The following CDH4 variants were observed in gnomAD, a reference collection of about 807,000 sequenced individuals.
CDH4 encodes the protein cadherin-4.
CDH4 carries 33 observed loss-of-function variants against 86.0 expected under a neutral mutation model. The ratio of observed to expected loss-of-function variants is 0.38; its 90% CI spans 0.29 to 0.51. The LOEUF (loss-of-function observed/expected upper bound fraction) is 0.51. CDH4 is among the 20% of genes least tolerant of loss of function. The pLI is 0.86. For synonymous variants in CDH4, 555 were observed against 549.4 expected (o/e 1.01, Z -0.14); for missense variants, 1,114 against 1,307.4 (o/e 0.85, Z 2.28).
intron 3 of CDH4, among the ~76,000 whole-genome samples, chr20:61,756,568 T>G (rs2088567779): frequency 2.2e-5 from 2 of 90,362 alleles, no homozygotes; most frequent in Non-Finnish European, 2.2e-5. Flanking sequence ...CATCCCCGGG[T>G]CCCTCCCCCA....
At chr20:61,774,208 C>G (rs1259232940) in intron 4 of CDH4, among the ~76,000 whole-genome samples, 1 of 152,252 alleles carries the variant, frequency 6.6e-6, no homozygotes, top group African/African-American at 2.4e-5. Context: ...GTCAGGGGCT[C>G]AGCTTTCCTT....
intron 2 of CDH4, among the ~76,000 whole-genome samples, chr20:61,689,989 G>A (rs762212728): frequency 3.6e-5 from 5 of 138,372 alleles, no homozygotes; most frequent in South Asian, 2.5e-4. Flanking sequence ...AGGCTGGGAC[G>A]GTGGCTGGTG....
intron 2 of CDH4, among the ~76,000 whole-genome samples, chr20:61,444,755 GTAT>G (rs771941991): frequency 2.0e-5 from 3 of 151,752 alleles, no homozygotes; most frequent in African/African-American, 4.8e-5. Flanking sequence ...GTGTGTCTGT[GTAT>G]ATTTGTGTGT....
intron 7 of CDH4, among the ~76,000 whole-genome samples, chr20:61,886,661 C>T (rs1984552789): frequency 1.3e-5 from 2 of 152,184 alleles, no homozygotes; most frequent in South Asian, 4.1e-4. Flanking sequence ...TGGTCCAGAG[C>T]TGAGTCCTGG....
intron 6 of CDH4, 53 bp downstream of exon 6, chr20:61,852,951 G>T: frequency 1.9e-6 from 3 of 1,578,794 alleles, no homozygotes; most frequent in South Asian, 2.3e-5. Flanking sequence ...TGCGGGTGCA[G>T]CACAGGCCCT....
chr20:61,698,493 C>T (rs975377533), intron 2 of CDH4, among the ~76,000 whole-genome samples: 2 of 152,274 alleles, frequency 1.3e-5, no homozygotes, highest in East Asian at 1.9e-4. Context: ...GGGCTGGTGA[C>T]TGCAGGTGCC....
intron 2 of CDH4, among the ~76,000 whole-genome samples, chr20:61,728,543 C>A (rs986356180): frequency 6.6e-6 from 1 of 152,136 alleles, no homozygotes; most frequent in African/African-American, 2.4e-5. Flanking sequence ...CACTGGCCCA[C>A]CATGCCCCAG....
chr20:61,370,926 C>G (rs1029503105), intron 2 of CDH4: 1 of 152,252 alleles, frequency 6.6e-6, no homozygotes, highest in Non-Finnish European at 1.5e-5. Context: ...CTTTCTCCCT[C>G]CCTTTCCCCC....
At chr20:61,802,592 G>A (rs1466090072) in intron 4 of CDH4, among the ~76,000 whole-genome samples, 1 of 152,170 alleles carries the variant, frequency 6.6e-6, no homozygotes, top group Non-Finnish European at 1.5e-5. Flanking sequence ...ATTTCCAAAC[G>A]GGAGTCCACG....
Position 61,628,820 on chromosome 20 carries a change from A to G in CDH4, c.170-114743A>G, listed in dbSNP as rs1046831431. 9.2e-5 allele frequency among the ~76,000 whole-genome samples: 14 copies of G among 152,296 alleles called. No individual in the cohort carries two copies. The East Asian group carries it at 2.7e-3, about 30-fold the overall frequency. ...GTCGTCTCTGGACACCAGCCACATC[A>G]TGGGCACAGACAAGTGTGTGGGGAC... On this transcript the variant is annotated intron_variant, in intron 2 of 15. Transcript: ENST00000614565.
chr20:61,621,358 C>T (rs557477574), intron 2 of CDH4, among the ~76,000 whole-genome samples: 4 of 152,322 alleles, frequency 2.6e-5, no homozygotes, highest in South Asian at 2.1e-4. Context: ...GAACATGCCT[C>T]GGATGAAAGT....
chr20:61,579,659 C>T (rs76938769), intron 2 of CDH4, among the ~76,000 whole-genome samples: 4,935 of 152,184 alleles, frequency 0.032, 265 homozygotes, highest in African/African-American at 0.1. Flanking sequence ...ACAGAGGCCA[C>T]ATCTGGCTTA....
chr20:61,433,213 C>T (rs1035294802), intron 2 of CDH4, among the ~76,000 whole-genome samples: 16 of 152,140 alleles, frequency 1.1e-4, no homozygotes, highest in African/African-American at 3.9e-4. Flanking sequence ...AAATTTTTTC[C>T]GTATGGTTAT....
intron 2 of CDH4, among the ~76,000 whole-genome samples, chr20:61,293,099 C>T (rs2084332660): frequency 6.6e-6 from 1 of 152,210 alleles, no homozygotes; most frequent in Admixed American, 6.5e-5. Context: ...CTGCAGCTCC[C>T]ATCAGGATGG....
rs768884078 is a variant in CDH4, at chr20:61,530,409, GC to G, written c.170-213152del. Reference sequence around the variant, plus strand: ...GAATCCTACCCTGACACAGTCTGGGGCCTTTTGGTCTTGACTGAAGCTGTAC... The same window carrying G: ...GAATCCTACCCTGACACAGTCTGGGGCTTTTGGTCTTGACTGAAGCTGTAC... On this transcript the variant is annotated intron_variant, in intron 2 of 15. Transcript: ENST00000614565. Among the ~76,000 whole-genome samples, 5 of 152,264 alleles carry G rather than the reference GC, an allele frequency of 3.3e-5. No homozygotes were observed. The South Asian group carries it at 6.2e-4, about 19-fold the overall frequency.
chr20:61,815,584 G>A (rs1980676107), intron 4 of CDH4, among the ~76,000 whole-genome samples: 1 of 152,222 alleles, frequency 6.6e-6, no homozygotes, highest in South Asian at 2.1e-4. Context: ...GCAGGAGCCT[G>A]AAGACCCCCT....
At chr20:61,290,858 C>T (rs2084316830) in intron 2 of CDH4, among the ~76,000 whole-genome samples, 1 of 152,170 alleles carries the variant, frequency 6.6e-6, no homozygotes, top group African/African-American at 2.4e-5. Context: ...GGGCCATATT[C>T]CTGAAAAATC....
At chr20:61,342,194 C>G (rs1380879255) in intron 2 of CDH4, among the ~76,000 whole-genome samples, 1 of 152,192 alleles carries the variant, frequency 6.6e-6, no homozygotes, top group Non-Finnish European at 1.5e-5. Flanking sequence ...GGACCCGTTT[C>G]ATGGAAGACA....
chr20:61,320,250 C>T (rs1039043238), intron 2 of CDH4, among the ~76,000 whole-genome samples: 19 of 152,156 alleles, frequency 1.2e-4, no homozygotes, highest in Admixed American at 1.3e-4. Flanking sequence ...CTTCTCCCTG[C>T]GTTCCTTGTT....
Sources: gnomAD v4.1 joint callset for allele counts (sites outside exome capture counted in the v4.1 genomes callset) on GRCh38, gnomAD v4.1.1 for gene constraint, MANE v1.5 for transcripts, NCBI Gene and HGNC (gene_info 2026-07-23, HGNC 2026-07-21) for gene names.